RORA: variants seen among roughly 807,000 people sequenced by gnomAD.
The protein encoded by RORA is nuclear receptor ROR-alpha.
In RORA, 7 loss-of-function variants were observed where a neutral mutation model predicts 69.5. The observed-to-expected ratio is 0.10, with a 90% CI of 0.06 to 0.19. The LOEUF (loss-of-function observed/expected upper bound fraction) is 0.19, where lower values mean the gene tolerates loss of function less well. Among genes scored for constraint, RORA ranks in the 10% least tolerant of loss-of-function variants. The pLI is 1.00. For synonymous variants in RORA, 261 were observed against 240.8 expected, an observed-to-expected ratio of 1.08 and a Z score of -0.78; for missense variants, 457 against 663.0, an observed-to-expected ratio of 0.69 and a Z score of 3.41.
chr15:61,174,943 T>G (rs564668279), intron 1 of RORA, among the ~76,000 whole-genome samples: 36 of 152,332 alleles, frequency 2.4e-4, no homozygotes, highest in African/African-American at 8.7e-4. Context: ...GCACAGCTAG[T>G]GAATTTGGGG....
At chr15:60,878,463 G>C (rs2073644179) in intron 1 of RORA, among the ~76,000 whole-genome samples, 1 of 151,960 alleles carries the variant, frequency 6.6e-6, no homozygotes, top group Admixed American at 6.6e-5. Flanking sequence ...GCATTACCCA[G>C]TTGGTGGCTG....
At chr15:60,745,143 C>T (rs2071629655) in intron 1 of RORA, among the ~76,000 whole-genome samples, 1 of 152,214 alleles carries the variant, frequency 6.6e-6, no homozygotes, top group Non-Finnish European at 1.5e-5. Flanking sequence ...TCTACTCAGC[C>T]CAAAGCAGCC....
At chr15:60,547,695 A>G (rs2067115842) in intron 2 of RORA, 1 of 147,794 alleles carries the variant, frequency 6.8e-6, no homozygotes, top group Non-Finnish European at 1.5e-5. Flanking sequence ...CATATTAACT[A>G]TTGGTTGTTT....
At chr15:60,949,193 C>T (rs1363469806) in intron 1 of RORA, among the ~76,000 whole-genome samples, 1 of 152,114 alleles carries the variant, frequency 6.6e-6, no homozygotes, top group East Asian at 1.9e-4. Context: ...GCCCCTTCCC[C>T]GTGAAGCTCA....
chr15:61,123,593 T>C (rs888817254), intron 1 of RORA, among the ~76,000 whole-genome samples: 1 of 152,164 alleles, frequency 6.6e-6, no homozygotes, highest in Non-Finnish European at 1.5e-5. Flanking sequence ...AACACCGAGG[T>C]AGGCTTAAAA....
chr15:60,598,953 T>A (rs2068756609), intron 2 of RORA, among the ~76,000 whole-genome samples: 1 of 152,208 alleles, frequency 6.6e-6, no homozygotes, highest in Non-Finnish European at 1.5e-5. Flanking sequence ...TGCTAGTATG[T>A]CGAGAGGAAA....
intron 2 of RORA, among the ~76,000 whole-genome samples, chr15:60,646,196 G>A (rs1277418798): frequency 6.6e-6 from 1 of 152,086 alleles, no homozygotes; most frequent in Non-Finnish European, 1.5e-5. Flanking sequence ...TGAATATGGG[G>A]GTAAACTCTG....
chr15:60,719,950 C>A (rs967109382), intron 1 of RORA, among the ~76,000 whole-genome samples: 1 of 152,138 alleles, frequency 6.6e-6, no homozygotes, highest in Non-Finnish European at 1.5e-5. Context: ...TGTTGCCTTT[C>A]AGCAATGCAA....
intron 2 of RORA, among the ~76,000 whole-genome samples, chr15:60,620,695 G>A (rs1427144639): frequency 6.6e-6 from 1 of 152,210 alleles, no homozygotes. Flanking sequence ...CCACACTCCA[G>A]TTCAAAGGCT....
At chr15:60,768,042 C>G (rs2072016774) in intron 1 of RORA, among the ~76,000 whole-genome samples, 1 of 152,222 alleles carries the variant, frequency 6.6e-6, no homozygotes, top group Admixed American at 6.5e-5. Context: ...GGCTGAATCA[C>G]ACACTTATCA....
chr15:61,070,607 A>T (rs1282533284), intron 1 of RORA, among the ~76,000 whole-genome samples: 1 of 152,242 alleles, frequency 6.6e-6, no homozygotes, highest in African/African-American at 2.4e-5. Flanking sequence ...TTGAATGTCT[A>T]TTCTATCTCA....
intron 1 of RORA, chr15:61,196,072 T>C (rs911567866): frequency 5.9e-5 from 9 of 152,254 alleles, no homozygotes; most frequent in African/African-American, 1.9e-4. Context: ...ACTGCTATTT[T>C]AGTAGCAAAA....
intron 1 of RORA, among the ~76,000 whole-genome samples, chr15:60,795,673 C>G (rs1012730673): frequency 2.0e-5 from 3 of 152,148 alleles, no homozygotes; most frequent in Non-Finnish European, 2.9e-5. Flanking sequence ...AAGGCAGAAA[C>G]AACAGGTTGA....
intron 1 of RORA, among the ~76,000 whole-genome samples, chr15:61,154,125 G>A (rs2079422023): frequency 6.6e-6 from 1 of 152,118 alleles, no homozygotes; most frequent in East Asian, 1.9e-4. Context: ...CTCATGCCCA[G>A]TTCACCCTTT....
intron 1 of RORA, among the ~76,000 whole-genome samples, chr15:60,724,028 T>C (rs2071326106): frequency 6.6e-6 from 1 of 152,224 alleles, no homozygotes. Context: ...AATCTGATAG[T>C]GTGCAATCTG....
intron 1 of RORA, among the ~76,000 whole-genome samples, chr15:60,873,999 C>A (rs886170477): frequency 6.6e-6 from 1 of 151,886 alleles, no homozygotes; most frequent in African/African-American, 2.4e-5. Flanking sequence ...CTATTTTTTT[C>A]AATGTTAATA....
intron 2 of RORA, among the ~76,000 whole-genome samples, chr15:60,663,156 A>G (rs902270086): frequency 1.3e-5 from 2 of 152,148 alleles, no homozygotes; most frequent in African/African-American, 4.8e-5. Flanking sequence ...CTCACTCTCT[A>G]TAGGCATTGT....
chr15:60,809,039 G>A (rs1261415166), intron 1 of RORA, among the ~76,000 whole-genome samples: 1 of 152,048 alleles, frequency 6.6e-6, no homozygotes, highest in Non-Finnish European at 1.5e-5. Context: ...GGGGGGTGGC[G>A]ACGGATAAAA....
intron 1 of RORA, among the ~76,000 whole-genome samples, chr15:60,813,475 T>C (rs1370723536): frequency 6.6e-6 from 1 of 152,148 alleles, no homozygotes; most frequent in African/African-American, 2.4e-5. Flanking sequence ...ATAGTGAGAA[T>C]CTAGGCAGGT....
Sources: allele counts gnomAD v4.1 joint callset (sites outside exome capture counted in the v4.1 genomes callset), GRCh38; gene constraint gnomAD v4.1.1; transcripts MANE v1.5; gene names NCBI Gene and HGNC (gene_info 2026-07-23, HGNC 2026-07-21).